Variants in CMSS1 observed in about 807,000 individuals in gnomAD.
The protein encoded by CMSS1 is protein CMSS1.
A neutral mutation model predicts 43.5 loss-of-function variants in CMSS1; 33 were observed. The observed-to-expected ratio is 0.76, with a 90% CI of 0.57 to 1.01. The LOEUF is 1.01. Ranked by LOEUF, CMSS1 falls within the 50% of genes least tolerant of loss-of-function variation. CMSS1 has a pLI of 0.00. For synonymous variants in CMSS1, 115 were observed against 117.2 expected (o/e 0.98, Z 0.12); for missense variants, 313 against 326.4 (o/e 0.96, Z 0.32).
chr3:100,028,540 A>G lies in CMSS1; in HGVS notation c.65-118433A>G, dbSNP rs144867337. Among the ~76,000 whole-genome samples the G allele has an allele frequency of 1.9e-3, 291 of 152,286 alleles. 3 individuals are homozygous for G. The highest frequency in any genetic ancestry group is 6.9e-3 in the African/African-American group (286 of 41,562). On this transcript the variant is annotated intron_variant, in intron 1 of 9. Transcript: ENST00000421999. ...AATAGGCCTTAGCAAAGACTGAGGT[A>G]ATATATTTTATTACTAATTACAAAA...
At chr3:100,038,794 G>A (rs1321226198) in intron 1 of CMSS1, among the ~76,000 whole-genome samples, 1 of 152,082 alleles carries the variant, frequency 6.6e-6, no homozygotes, top group African/African-American at 2.4e-5. Context: ...AAGCCACGGT[G>A]CCCAGCTGCT....
At chr3:100,119,370 G>A (rs1383821574) in intron 1 of CMSS1, among the ~76,000 whole-genome samples, 1 of 152,118 alleles carries the variant, frequency 6.6e-6, no homozygotes, top group East Asian at 1.9e-4. Flanking sequence ...CCTTCCCACT[G>A]TCCCCTCTGT....
chr3:100,093,273 G>GTA (rs1184001136), intron 1 of CMSS1, among the ~76,000 whole-genome samples: 1 of 152,002 alleles, frequency 6.6e-6, no homozygotes, highest in Non-Finnish European at 1.5e-5. Flanking sequence ...GATGTCTTCT[G>GTA]TAACTTTTTA....
Position 99,969,559 on chromosome 3 carries a change from G to A in CMSS1, c.64+151516G>A, listed in dbSNP as rs114361444. ...AAGAATGGTTGAAGTAATGAGCCGT[G>A]CTATCCCAACTGGGTAAAGCAGTGA... is the stretch of plus-strand genomic sequence containing the variant. On this transcript the variant is annotated intron_variant, in intron 1 of 9. Transcript: ENST00000421999. Among the ~76,000 whole-genome samples, 1,363 of 152,256 alleles carry A rather than the reference G, an allele frequency of 9.0e-3. 13 individuals are homozygous for A. The highest frequency in any genetic ancestry group is 0.014 in the Non-Finnish European group (936 of 68,018).
At chr3:99,921,857 A>C (rs1400457108) in intron 1 of CMSS1, among the ~76,000 whole-genome samples, 6 of 152,140 alleles carry the variant, frequency 3.9e-5, no homozygotes, top group Non-Finnish European at 5.9e-5. Context: ...CCTCCAGCCC[A>C]TGGCCTTTAT....
chr3:100,174,865 T>A (rs2067136932), intron 8 of CMSS1, among the ~76,000 whole-genome samples: 1 of 152,166 alleles, frequency 6.6e-6, no homozygotes, highest in African/African-American at 2.4e-5. Flanking sequence ...AATGCAAAAA[T>A]GTACAGAGAA....
At chr3:99,938,079 G>A (rs957129635) in intron 1 of CMSS1, among the ~76,000 whole-genome samples, 26 of 142,522 alleles carry the variant, frequency 1.8e-4, no homozygotes, top group African/African-American at 4.5e-4. Context: ...GTGTGTGCGC[G>A]CGCGCGCGCG....
intron 1 of CMSS1, among the ~76,000 whole-genome samples, chr3:99,990,992 T>C (rs986515686): frequency 2.0e-5 from 3 of 152,060 alleles, no homozygotes; most frequent in African/African-American, 7.2e-5. Context: ...TAAATAAAAA[T>C]ACAGGTGCTC....
At chr3:99,963,225 C>G (rs1183233960) in intron 1 of CMSS1, among the ~76,000 whole-genome samples, 1 of 152,182 alleles carries the variant, frequency 6.6e-6, no homozygotes, top group Non-Finnish European at 1.5e-5. Context: ...GGTATAGTTG[C>G]CCCAGAATAG....
At chr3:100,023,741 G>C (rs16841886) in intron 1 of CMSS1, among the ~76,000 whole-genome samples, 1 of 151,938 alleles carries the variant, frequency 6.6e-6, no homozygotes. Flanking sequence ...GCCTGGTCTC[G>C]CCATTGCAAA....
chr3:99,978,989 G>A (rs189786624), intron 1 of CMSS1, among the ~76,000 whole-genome samples: 51 of 152,228 alleles, frequency 3.4e-4, no homozygotes, highest in African/African-American at 1.2e-3. Flanking sequence ...ACAAAATTAC[G>A]GCTAGATAAA....
intron 1 of CMSS1, among the ~76,000 whole-genome samples, chr3:99,861,038 A>G (rs1944225414): frequency 6.6e-6 from 1 of 151,918 alleles, no homozygotes; most frequent in Non-Finnish European, 1.5e-5. Context: ...TAGAGAGTCT[A>G]CTCATTTTTC....
chr3:100,098,536 A>G lies in CMSS1; in HGVS notation c.65-48437A>G, dbSNP rs79990752. Among the ~76,000 whole-genome samples, 1,003 of 152,320 alleles carry G rather than the reference A, an allele frequency of 6.6e-3. 15 individuals are homozygous for G. The highest frequency in any genetic ancestry group is 0.023 in the African/African-American group (949 of 41,564). Reference sequence around the variant, plus strand: ...TTGTTAGCTATAATTGACTGACTCTATAAGTTTTATTTGTATTATTCATAA... The same window carrying G: ...TTGTTAGCTATAATTGACTGACTCTGTAAGTTTTATTTGTATTATTCATAA... On this transcript the variant is annotated intron_variant, in intron 1 of 9. Coordinates refer to ENST00000421999, the MANE Select transcript of CMSS1 (RefSeq NM_032359.4).
intron 1 of CMSS1, among the ~76,000 whole-genome samples, chr3:99,911,308 TTATTATA>T (rs1301020917): frequency 1.3e-5 from 2 of 148,774 alleles, no homozygotes; most frequent in African/African-American, 4.9e-5. Context: ...GTTGTTTTTG[TTATTATA>T]TATTATATAA....
At chr3:99,998,149 A>G (rs1246011193) in intron 1 of CMSS1, among the ~76,000 whole-genome samples, 1 of 152,228 alleles carries the variant, frequency 6.6e-6, no homozygotes, top group Non-Finnish European at 1.5e-5. Context: ...TAATCTCAGC[A>G]AGATCTGTTA....
intron 1 of CMSS1, among the ~76,000 whole-genome samples, chr3:99,901,001 G>C (rs545572997): frequency 6.6e-6 from 1 of 152,208 alleles, no homozygotes; most frequent in Non-Finnish European, 1.5e-5. Flanking sequence ...AGTTTGCTTT[G>C]CTTCTTATTG....
intron 1 of CMSS1, among the ~76,000 whole-genome samples, chr3:100,036,470 A>G (rs2065110368): frequency 6.6e-6 from 1 of 152,220 alleles, no homozygotes; most frequent in Admixed American, 6.5e-5. Flanking sequence ...ATAAAATGGA[A>G]GGTGACCCAT....
At position 99,993,482 on chromosome 3, in the gene CMSS1, C is replaced by T. The variant is rs191220303; in HGVS notation, c.65-153491C>T. ...AATGCCTCTTATTTCTTTCTCTTAC[C>T]TGACTGCTCTGATGAAGACTTTGAT... On this transcript the variant is annotated intron_variant, in intron 1 of 9. Transcript: ENST00000421999. 1.4e-3 allele frequency among the ~76,000 whole-genome samples: 213 copies of T among 152,078 alleles called. 1 individual carries two copies. Among genetic ancestry groups the T allele is most frequent in the African/African-American group, 4.8e-3 (201 of 41,492 alleles).
chr3:99,954,192 G>T (rs1432643377), intron 1 of CMSS1, among the ~76,000 whole-genome samples: 1 of 152,226 alleles, frequency 6.6e-6, no homozygotes, highest in Non-Finnish European at 1.5e-5. Context: ...TGAAGATCAG[G>T]AAGCTGAAGT....
Sources: gnomAD v4.1 joint callset for allele counts (sites outside exome capture counted in the v4.1 genomes callset) on GRCh38, gnomAD v4.1.1 for gene constraint, MANE v1.5 for transcripts, NCBI Gene and HGNC (gene_info 2026-07-23, HGNC 2026-07-21) for gene names.